The following ROBO2 variants were observed in gnomAD, a reference collection of about 807,000 sequenced individuals.
ROBO2 encodes roundabout homolog 2.
Under a neutral mutation model 160.8 loss-of-function variants are expected in ROBO2, and 53 were observed. That is an observed-to-expected ratio of 0.33 (90% CI 0.26 to 0.41). The LOEUF (loss-of-function observed/expected upper bound fraction) is 0.41. Among genes scored for constraint, ROBO2 ranks in the 10% least tolerant of loss-of-function variants. The pLI is 1.00. For synonymous variants in ROBO2, 664 were observed against 611.7 expected, an observed-to-expected ratio of 1.09 and a Z score of -1.26; for missense variants, 1,577 against 1,722.4, an observed-to-expected ratio of 0.92 and a Z score of 1.49.
chr3:76,808,677 A>C (rs776096037), intron 2 of ROBO2, among the ~76,000 whole-genome samples: 3 of 152,120 alleles, frequency 2.0e-5, no homozygotes, highest in Non-Finnish European at 4.4e-5. Flanking sequence ...GGCACAATGG[A>C]AAGTGGCTCA....
chr3:77,412,728 C>T (rs2153523348), intron 2 of ROBO2, among the ~76,000 whole-genome samples: 1 of 152,268 alleles, frequency 6.6e-6, no homozygotes, highest in East Asian at 1.9e-4. Flanking sequence ...AAATGCTTTC[C>T]TAATCCATTT....
intron 2 of ROBO2, among the ~76,000 whole-genome samples, chr3:76,369,291 G>A (rs1198602089): frequency 6.6e-6 from 1 of 151,852 alleles, no homozygotes; most frequent in East Asian, 1.9e-4. Context: ...GGCCTTCCGA[G>A]TTGTCACAAT....
chr3:76,892,877 A>C (rs2148825111), intron 2 of ROBO2, among the ~76,000 whole-genome samples: 1 of 152,302 alleles, frequency 6.6e-6, no homozygotes, highest in East Asian at 1.9e-4. Flanking sequence ...TTCTTTCTCC[A>C]AGTTGATTAT....
intron 2 of ROBO2, among the ~76,000 whole-genome samples, chr3:77,156,848 C>A (rs1432908104): frequency 6.6e-6 from 1 of 151,312 alleles, no homozygotes; most frequent in Non-Finnish European, 1.5e-5. Context: ...ATTAAAAAGG[C>A]AAGAATTTGA....
intron 2 of ROBO2, among the ~76,000 whole-genome samples, chr3:77,014,026 G>C (rs1390175146): frequency 6.6e-6 from 1 of 151,384 alleles, no homozygotes; most frequent in African/African-American, 2.4e-5. Flanking sequence ...TTTTTTAAAG[G>C]CTGCCAAATT....
In ROBO2 at chr3:77,335,634, G is replaced by A. The variant is rs113041944; in HGVS notation, c.389-141780G>A. ...CTATCCCCTACTTGGGTCTGCATAT[G>A]ATCATAAATAACAGCTCTCGCTACG... On this transcript the variant is annotated intron_variant, in intron 2 of 25. Transcript: ENST00000461745. Among the ~76,000 whole-genome samples the A allele has an allele frequency of 1.2e-3, 182 of 152,274 alleles. 2 individuals are homozygous for A. The highest frequency in any genetic ancestry group is 4.0e-3 in the African/African-American group (168 of 41,552).
intron 2 of ROBO2, among the ~76,000 whole-genome samples, chr3:76,203,533 C>G (rs562090690): frequency 6.6e-6 from 1 of 151,510 alleles, no homozygotes; most frequent in African/African-American, 2.4e-5. Context: ...CTCAGGCTAT[C>G]GGCTTCCCCC....
intron 2 of ROBO2, among the ~76,000 whole-genome samples, chr3:77,253,829 G>T (rs1033089885): frequency 2.6e-5 from 4 of 152,178 alleles, no homozygotes; most frequent in African/African-American, 9.6e-5. Flanking sequence ...TAGAGGTAAA[G>T]AAATGACCTA....
In ROBO2 at chr3:76,693,090, T is replaced by C. The variant is rs906510581; in HGVS notation, c.110-404924T>C. ...ATCTATATATAGTGTATATATTTAGTGTACATACACATATCCCTATATATG... is the reference window on the plus strand; with the variant it reads ...ATCTATATATAGTGTATATATTTAGCGTACATACACATATCCCTATATATG... On this transcript the variant is annotated intron_variant, in intron 2 of 26. Transcript: ENST00000487694. Among the ~76,000 whole-genome samples, 4 of 150,032 alleles carry C rather than the reference T, an allele frequency of 2.7e-5. No individual in the cohort carries two copies. The South Asian group carries it at 8.4e-4, about 32-fold the overall frequency.
chr3:76,118,513 C>T (rs763455963), intron 2 of ROBO2, among the ~76,000 whole-genome samples: 4 of 152,104 alleles, frequency 2.6e-5, no homozygotes, highest in Non-Finnish European at 5.9e-5. Flanking sequence ...ATGAGATTCT[C>T]AGATTCTTTC....
chr3:76,915,716 T>C (rs951887112), intron 2 of ROBO2, among the ~76,000 whole-genome samples: 1 of 151,730 alleles, frequency 6.6e-6, no homozygotes, highest in Non-Finnish European at 1.5e-5. Context: ...AGCGTGACTT[T>C]CAGGAGGCGG....
At chr3:77,535,365 C>T (rs2092026655) in intron 6 of ROBO2, among the ~76,000 whole-genome samples, 1 of 151,990 alleles carries the variant, frequency 6.6e-6, no homozygotes, top group Non-Finnish European at 1.5e-5. Context: ...TCTTGTCTCA[C>T]CATTTACTTG....
chr3:76,431,570 G>A (rs1172750762), intron 2 of ROBO2, among the ~76,000 whole-genome samples: 1 of 152,064 alleles, frequency 6.6e-6, no homozygotes, highest in African/African-American at 2.4e-5. Context: ...AAATAATGTG[G>A]TTAAGTGTTC....
chr3:76,072,659 A>G (rs1458344610), intron 2 of ROBO2, among the ~76,000 whole-genome samples: 1 of 152,182 alleles, frequency 6.6e-6, no homozygotes, highest in South Asian at 2.1e-4. Flanking sequence ...ATTTCTTAAT[A>G]TCATATATTA....
intron 2 of ROBO2, among the ~76,000 whole-genome samples, chr3:76,125,978 C>T (rs2108311900): frequency 6.6e-6 from 1 of 152,182 alleles, no homozygotes; most frequent in East Asian, 1.9e-4. Flanking sequence ...AGGCGCGTGC[C>T]ACCATGCCCA....
intron 2 of ROBO2, among the ~76,000 whole-genome samples, chr3:76,009,555 G>C (rs767272275): frequency 2.0e-5 from 3 of 152,170 alleles, no homozygotes; most frequent in East Asian, 1.9e-4. Context: ...GTTTTTATTT[G>C]TAGAATATCA....
At chr3:77,127,456 T>G (rs180955321) in intron 2 of ROBO2, among the ~76,000 whole-genome samples, 2 of 152,310 alleles carry the variant, frequency 1.3e-5, no homozygotes, top group Admixed American at 6.5e-5. Flanking sequence ...TATTATAGAT[T>G]ATTTTTCACC....
In ROBO2 at chr3:76,625,598, A is replaced by C. The variant is rs865850892; in HGVS notation, c.110-472416A>C. Reference sequence around the variant, plus strand: ...TAAGTAGGGTGGTTAGAGAAGGCTAAAAAAGGAAGTAAAGGAGGAAGTTAC... The same window carrying C: ...TAAGTAGGGTGGTTAGAGAAGGCTACAAAAGGAAGTAAAGGAGGAAGTTAC... On this transcript the variant is annotated intron_variant, in intron 2 of 26. Coordinates refer to the ROBO2 transcript ENST00000487694. Among the ~76,000 whole-genome samples the C allele has an allele frequency of 4.7e-4, 71 of 152,314 alleles. No homozygotes were observed. In the Middle Eastern group the frequency reaches 0.014, roughly 29 times the overall value.
chr3:75,951,929 CAAAAT>C (rs1163948337), intron 2 of ROBO2, among the ~76,000 whole-genome samples: 1 of 151,746 alleles, frequency 6.6e-6, no homozygotes, highest in Non-Finnish European at 1.5e-5. Context: ...CTTTATCAAT[CAAAAT>C]AAAATAAGAA....
Sources: allele counts gnomAD v4.1 joint callset (sites outside exome capture counted in the v4.1 genomes callset), GRCh38; gene constraint gnomAD v4.1.1; transcripts MANE v1.5; gene names NCBI Gene and HGNC (gene_info 2026-07-23, HGNC 2026-07-21).